The following GDPD1 variants were observed in gnomAD, a reference collection of about 807,000 sequenced individuals.
The protein encoded by GDPD1 is glycerophosphodiester phosphodiesterase domain containing 1, also known as lysophospholipase D GDPD1.
In GDPD1, 28 loss-of-function variants were observed where a neutral mutation model predicts 45.1. The observed-to-expected ratio is 0.62, with a 90% CI of 0.46 to 0.85. The LOEUF (loss-of-function observed/expected upper bound fraction) is 0.85. GDPD1 is among the 40% of genes least tolerant of loss of function. The pLI is 0.00. For synonymous variants in GDPD1, 139 were observed against 131.4 expected, an observed-to-expected ratio of 1.06 and a Z score of -0.40; for missense variants, 256 against 364.8, an observed-to-expected ratio of 0.70 and a Z score of 2.43.
At chr17:59,259,566 C>CAAAAAAAA (rs71367681) in intron 6 of GDPD1, among the ~76,000 whole-genome samples, 49 of 24,840 alleles carry the variant, frequency 2.0e-3, no homozygotes, top group Non-Finnish European at 2.6e-3. Context: ...GACTCTGTCT[C>CAAAAAAAA]AAAAAAAAAA....
chr17:59,242,250 A>G (rs2047180829), intron 2 of GDPD1, among the ~76,000 whole-genome samples: 1 of 152,140 alleles, frequency 6.6e-6, no homozygotes, highest in South Asian at 2.1e-4. Context: ...TTTAGTAGAG[A>G]CAGGGTTTTC....
chr17:59,257,686 A>G (rs2047319758), intron 5 of GDPD1, 65 bp from the exon 6 acceptor site: 1 of 942,070 alleles, frequency 1.1e-6, no homozygotes, highest in Non-Finnish European at 1.7e-6. Context: ...TCATTTTTTA[A>G]GTGAAATGTT....
At chr17:59,238,946 C>CAGAG (rs1371910027) in intron 2 of GDPD1, among the ~76,000 whole-genome samples, 7 of 152,182 alleles carry the variant, frequency 4.6e-5, no homozygotes, top group Non-Finnish European at 1.0e-4. Context: ...CACATATACA[C>CAGAG]AGAGCCACTA....
chr17:59,270,354 C>T (rs917228367), intron 7 of GDPD1, among the ~76,000 whole-genome samples: 2 of 150,386 alleles, frequency 1.3e-5, no homozygotes, highest in Non-Finnish European at 2.9e-5. Context: ...CCACCATGCC[C>T]GGCTAATTTT....
chr17:59,220,951 G>C (rs1568335159), intron 1 of GDPD1, among the ~76,000 whole-genome samples, 200 bp downstream of exon 1: 1 of 152,136 alleles, frequency 6.6e-6, no homozygotes, highest in Non-Finnish European at 1.5e-5. Context: ...TTCCCGGTCA[G>C]AGCCACGGCG....
rs1189828755 is a variant in GDPD1, at chr17:59,275,086, C to T, written c.*1313C>T. ...CGAACTCCTGACCTCAGGTGATCCA[C>T]CCACCTCGGCCTCTCAAAGTGCTGG... is the stretch of plus-strand genomic sequence containing the variant. On this transcript the variant is annotated 3_prime_UTR_variant, in exon 10 of 10. Coordinates refer to ENST00000284116, the MANE Select transcript of GDPD1 (RefSeq NM_182569.4). 1.6e-6 allele frequency: 2 copies of T among 1,289,898 alleles called. No homozygotes were observed. Among genetic ancestry groups the T allele is most frequent in the Admixed American group, 2.0e-5 (1 of 50,556 alleles). 79.9% of individuals were successfully genotyped at this position (1,289,898 alleles called of 1,614,324 possible). A position where few individuals can be genotyped will look rare whatever the true frequency, so the allele number is the denominator to read the frequency against.
chr17:59,224,108 A>G (rs1232077716), intron 1 of GDPD1, among the ~76,000 whole-genome samples: 1 of 152,174 alleles, frequency 6.6e-6, no homozygotes, highest in Non-Finnish European at 1.5e-5. Context: ...TTTTTAAAAT[A>G]TTGCATACCG....
At position 59,266,217 on chromosome 17, in the gene GDPD1, T is replaced by TGC. The variant is rs1334167514; in HGVS notation, c.577-824_577-823insGC. On this transcript the variant is annotated intron_variant, in intron 6 of 9. Transcript: ENST00000284116. ...GCCTGGCCAACATGGTGAAACCACA[T>TGC]CTCTACTAAAACTACAAAAAATTAG... Among the ~76,000 whole-genome samples the TGC allele has an allele frequency of 2.7e-4, 41 of 151,928 alleles. 1 individual carries two copies. The highest frequency in any genetic ancestry group is 9.7e-4 in the African/African-American group (40 of 41,450).
rs181299946 is a variant in GDPD1, at chr17:59,261,708, A to G, written c.576+3868A>G. On this transcript the variant is annotated intron_variant, in intron 6 of 9. Coordinates refer to ENST00000284116, the MANE Select transcript of GDPD1 (RefSeq NM_182569.4). ...GAGACAGGGTCTCACTTTGTTGCCC[A>G]GGTTGATCCTGAATTCCTGGCCTCA... Among the ~76,000 whole-genome samples, 590 of 151,576 alleles carry G rather than the reference A, an allele frequency of 3.9e-3. 2 individuals carry two copies. The highest frequency in any genetic ancestry group is 6.4e-3 in the Non-Finnish European group (438 of 67,908).
At chr17:59,251,213 T>C (rs2047250682) in intron 4 of GDPD1, among the ~76,000 whole-genome samples, 1 of 152,182 alleles carries the variant, frequency 6.6e-6, no homozygotes, top group Non-Finnish European at 1.5e-5. Context: ...TATTCCCAAA[T>C]GTTGTATTAA....
chr17:59,259,835 A>G (rs987502850), intron 6 of GDPD1, among the ~76,000 whole-genome samples: 3 of 150,564 alleles, frequency 2.0e-5, no homozygotes, highest in Non-Finnish European at 3.0e-5. Flanking sequence ...CAAGGCGGAC[A>G]GATCACTTTG....
At chr17:59,251,576 A>G (rs1321071892) in intron 4 of GDPD1, among the ~76,000 whole-genome samples, 1 of 152,186 alleles carries the variant, frequency 6.6e-6, no homozygotes, top group Non-Finnish European at 1.5e-5. Flanking sequence ...TGTACTGTCA[A>G]GTTTCAGACA....
intron 1 of GDPD1, among the ~76,000 whole-genome samples, chr17:59,226,429 C>T (rs557823696): frequency 2.0e-4 from 31 of 152,100 alleles, no homozygotes; most frequent in Admixed American, 1.4e-3. Context: ...AACCTAAAAT[C>T]AAACTAGTAG....
chr17:59,260,710 T>C (rs2047349178), intron 6 of GDPD1: 1 of 152,162 alleles, frequency 6.6e-6, no homozygotes, highest in Admixed American at 6.6e-5. Flanking sequence ...AATATCATGA[T>C]GTAAGTAGCA....
intron 2 of GDPD1, among the ~76,000 whole-genome samples, chr17:59,242,349 C>T (rs914439129): frequency 2.0e-5 from 3 of 152,204 alleles, no homozygotes; most frequent in Admixed American, 6.5e-5. Context: ...AGGTGTGAGC[C>T]ACCATTCCTG....
Position 59,275,505 on chromosome 17 carries a change from C to A in GDPD1, c.*1732C>A. On this transcript the variant is annotated 3_prime_UTR_variant, in exon 10 of 10. Coordinates refer to ENST00000284116, the MANE Select transcript of GDPD1 (RefSeq NM_182569.4). Reference sequence around the variant, plus strand: ...TCCAAATAGTCATATTTTTGTGTTTCCTCTAAAAAAATGTAAGATTTCCAT... The same window carrying A: ...TCCAAATAGTCATATTTTTGTGTTTACTCTAAAAAAATGTAAGATTTCCAT... The A allele has an allele frequency of 5.1e-6, 1 of 195,724 alleles. No homozygotes were observed. The highest frequency in any genetic ancestry group is 1.1e-5 in the Non-Finnish European group (1 of 94,930). The allele number at this position is 195,724 out of a possible 1,614,324, so 12.1% of individuals were successfully genotyped here. A position where few individuals can be genotyped will look rare whatever the true frequency, so the allele number is the denominator to read the frequency against.
At chr17:59,230,849 C>T (rs1203684452) in intron 1 of GDPD1, among the ~76,000 whole-genome samples, 1 of 152,218 alleles carries the variant, frequency 6.6e-6, no homozygotes, top group Non-Finnish European at 1.5e-5. Flanking sequence ...TGAAACAACA[C>T]TCTTTTGGCA....
rs137985553 is a variant in GDPD1 at position 59,266,772 on chromosome 17, C to T, written c.577-269C>T. ...CTTTAGCTGTAAGTACTGTAACCAA[C>T]GCAGAAGTGGTATTGCAAAAGCAGA... On this transcript the variant is annotated intron_variant, in intron 6 of 9. Transcript: ENST00000284116. Among the ~76,000 whole-genome samples, 7 of 152,204 alleles carry T rather than the reference C, an allele frequency of 4.6e-5. No individual in the cohort carries two copies. The East Asian group carries it at 1.2e-3, about 25-fold the overall frequency.
At position 59,275,025 on chromosome 17, in the gene GDPD1, A is replaced by G. The variant is rs2147911668; in HGVS notation, c.*1252A>G. 1.5e-6 allele frequency: 1 copy of G among 651,812 alleles called. No individual in the cohort carries two copies. The allele number at this position is 651,812 out of a possible 1,614,324, so 40.4% of individuals were successfully genotyped here. A position where few individuals can be genotyped will look rare whatever the true frequency, so the allele number is the denominator to read the frequency against. On this transcript the variant is annotated 3_prime_UTR_variant, in exon 10 of 10. Coordinates refer to ENST00000284116, the MANE Select transcript of GDPD1 (RefSeq NM_182569.4). The stretch of plus-strand genomic sequence containing the variant: ...CCCAGCTAATTTTTGTATTTTTAGT[A>G]GAGACAGGGTTTTGCCACGTTGGCC...
Sources: gnomAD v4.1 joint callset for allele counts (sites outside exome capture counted in the v4.1 genomes callset) on GRCh38, gnomAD v4.1.1 for gene constraint, MANE v1.5 for transcripts, NCBI Gene and HGNC (gene_info 2026-07-23, HGNC 2026-07-21) for gene names.